The following CORO2B variants were observed in gnomAD, a reference collection of about 807,000 sequenced individuals.
CORO2B encodes the protein coronin-2B.
A neutral mutation model predicts 58.8 loss-of-function variants in CORO2B; 26 were observed. That is an observed-to-expected ratio of 0.44 (90% CI 0.32 to 0.61). CORO2B has a LOEUF of 0.61. CORO2B is among the 20% of genes least tolerant of loss of function. The pLI, the probability that CORO2B is intolerant of heterozygous loss-of-function variation, is 0.04. For missense variants in CORO2B, 460 were observed against 645.1 expected (o/e 0.71, Z 3.11); for synonymous variants, 242 against 253.8 (o/e 0.95, Z 0.44).
At chr15:68,585,703 G>A (rs1335165952) in intron 1 of CORO2B, among the ~76,000 whole-genome samples, 1 of 152,236 alleles carries the variant, frequency 6.6e-6, no homozygotes, top group Non-Finnish European at 1.5e-5. Flanking sequence ...CTGCCACTGA[G>A]GATGTGCAGG....
the CORO2B span, among the ~76,000 whole-genome samples, chr15:68,567,137 C>T: frequency 1.3e-5 from 2 of 152,190 alleles, no homozygotes; most frequent in African/African-American, 4.8e-5. Flanking sequence ...TTCTGTCTCA[C>T]AGCAAGTCTT....
At chr15:68,711,909 A>ACC (rs954831630) in intron 5 of CORO2B, among the ~76,000 whole-genome samples, 1 of 151,628 alleles carries the variant, frequency 6.6e-6, no homozygotes, top group African/African-American at 2.4e-5. Context: ...GGGACCTCAT[A>ACC]CCCTTTCCTG....
intron 2 of CORO2B, among the ~76,000 whole-genome samples, chr15:68,650,565 T>C (rs1423424720): frequency 2.0e-5 from 3 of 152,012 alleles, no homozygotes; most frequent in Non-Finnish European, 4.4e-5. Flanking sequence ...TGAGCCGAAA[T>C]CGCGCAACTG....
the CORO2B span, among the ~76,000 whole-genome samples, chr15:68,559,454 A>G: frequency 6.6e-6 from 1 of 151,588 alleles, no homozygotes; most frequent in Non-Finnish European, 1.5e-5. This position sits in a 1 kb window ranked among gnomAD's most constrained non-coding sequence, Gnocchi z 4.3. Context: ...CACTCATACA[A>G]GCAGAATCCC....
At chr15:68,616,951 G>T (rs1352872618) in intron 1 of CORO2B, among the ~76,000 whole-genome samples, 5 of 152,204 alleles carry the variant, frequency 3.3e-5, no homozygotes, top group Non-Finnish European at 7.3e-5. Flanking sequence ...GGAAAGGAAG[G>T]AACTAAAGTT....
At chr15:68,607,171 T>C (rs1193254755) in intron 1 of CORO2B, among the ~76,000 whole-genome samples, 1 of 152,178 alleles carries the variant, frequency 6.6e-6, no homozygotes, top group East Asian at 1.9e-4. Context: ...CTGGGGTCTC[T>C]GCTAGGAAGA....
At chr15:68,716,945 T>A (rs530775818) in intron 8 of CORO2B, among the ~76,000 whole-genome samples, 3 of 152,042 alleles carry the variant, frequency 2.0e-5, no homozygotes, top group Non-Finnish European at 2.9e-5. Flanking sequence ...GAAATCATTA[T>A]GGGGAGGGTT....
the CORO2B span, among the ~76,000 whole-genome samples, chr15:68,533,399 G>A: frequency 2.6e-5 from 4 of 152,158 alleles, no homozygotes; most frequent in Admixed American, 2.6e-4. Context: ...GGATTAAAAG[G>A]TTTGCAGCTT....
chr15:68,582,936 T>C (rs1418403618), intron 1 of CORO2B, among the ~76,000 whole-genome samples: 1 of 152,198 alleles, frequency 6.6e-6, no homozygotes, highest in Non-Finnish European at 1.5e-5. Context: ...CAAAGTACCC[T>C]GAGCAGCACA....
chr15:68,618,859 G>A (rs1900440184), intron 1 of CORO2B, among the ~76,000 whole-genome samples: 2 of 152,256 alleles, frequency 1.3e-5, no homozygotes, highest in Middle Eastern at 3.4e-3. Flanking sequence ...GGGGATGTTC[G>A]AATACAAGCC....
chr15:68,587,089 C>A (rs1428540772), intron 1 of CORO2B, among the ~76,000 whole-genome samples: 2 of 131,596 alleles, frequency 1.5e-5, no homozygotes, highest in African/African-American at 5.8e-5. Flanking sequence ...CACACACACA[C>A]ACACACAATT....
intron 1 of CORO2B, chr15:68,616,592 C>T (rs867257140): frequency 6.0e-5 from 59 of 985,332 alleles, no homozygotes; most frequent in East Asian, 2.3e-4. Flanking sequence ...TTCCAGGCCG[C>T]GGTCGAATGA....
At chr15:68,630,344 C>T (rs1047038142) in intron 1 of CORO2B, among the ~76,000 whole-genome samples, 2 of 152,132 alleles carry the variant, frequency 1.3e-5, no homozygotes, top group East Asian at 1.9e-4. Context: ...CCGGCAACTG[C>T]ATGGCAGGCA....
chr15:68,606,670 A>G (rs2140242876), intron 1 of CORO2B, among the ~76,000 whole-genome samples: 1 of 152,308 alleles, frequency 6.6e-6, no homozygotes, highest in Admixed American at 6.5e-5. Context: ...AAGGATGAGG[A>G]TATTTTGCTA....
intron 2 of CORO2B, among the ~76,000 whole-genome samples, chr15:68,666,879 C>T (rs1228619039): frequency 6.6e-6 from 1 of 152,172 alleles, no homozygotes; most frequent in Non-Finnish European, 1.5e-5. Context: ...TCAGCGTGTT[C>T]AGGGTGGTAT....
intron 6 of CORO2B, 128 bp downstream of exon 6, chr15:68,714,169 C>G (rs1441709728): frequency 3.1e-6 from 2 of 650,730 alleles, no homozygotes; most frequent in Non-Finnish European, 5.3e-6. Context: ...GTGGAGAAAT[C>G]AGACAGAGAC....
Position 68,710,679 on chromosome 15 carries a change from A to C in CORO2B, c.334-53A>C. 1 of 1,499,884 alleles carries C rather than the reference A, an allele frequency of 6.7e-7. No homozygotes were observed. Among genetic ancestry groups the C allele is most frequent in the Non-Finnish European group, 8.9e-7 (1 of 1,119,268 alleles). The allele number at this position is 1,499,884 out of a possible 1,614,324, so 92.9% of individuals were successfully genotyped here. On this transcript the variant is annotated intron_variant, in intron 3 of 11. Transcript: ENST00000261861. The surrounding 1 kb of genome is among the most constrained non-coding windows in gnomAD (Gnocchi z 4.1). ...TCCGAGGAAAGGGGCACCTCTCATC[A>C]AGGGACTTCTTGGCCGTGTCCACCC...
intron 2 of CORO2B, among the ~76,000 whole-genome samples, chr15:68,660,094 G>C (rs924391115): frequency 3.3e-5 from 5 of 152,072 alleles, no homozygotes; most frequent in African/African-American, 1.2e-4. Flanking sequence ...TTTCTGTCTG[G>C]CTTTTTCATT....
chr15:68,606,068 G>A (rs991280914), intron 1 of CORO2B, among the ~76,000 whole-genome samples: 9 of 151,958 alleles, frequency 5.9e-5, no homozygotes, highest in African/African-American at 2.2e-4. Context: ...GTGAAGCCTC[G>A]TTTACTGAAA....
Sources: allele counts gnomAD v4.1 joint callset (sites outside exome capture counted in the v4.1 genomes callset), GRCh38; gene constraint gnomAD v4.1.1; non-coding constraint Gnocchi (gnomAD v3.1); transcripts MANE v1.5; gene names NCBI Gene and HGNC (gene_info 2026-07-23, HGNC 2026-07-21).